Variants in PIGH observed in about 807,000 individuals in gnomAD.
The protein encoded by PIGH is phosphatidylinositol glycan anchor biosynthesis class H, also known as phosphatidylinositol N-acetylglucosaminyltransferase subunit H.
In PIGH, 11 loss-of-function variants were observed where a neutral mutation model predicts 20.1. The ratio of observed to expected loss-of-function variants is 0.55; its 90% CI spans 0.34 to 0.91. The LOEUF is 0.91. Among genes scored for constraint, PIGH ranks in the 40% least tolerant of loss-of-function variants. PIGH has a pLI of 0.02. For missense variants in PIGH, 189 were observed against 233.6 expected (o/e 0.81, Z 1.24); for synonymous variants, 72 against 93.1 (o/e 0.77, Z 1.31).
At chr14:67,594,579 G>A (rs576638006) in intron 1 of PIGH, among the ~76,000 whole-genome samples, 121 of 151,962 alleles carry the variant, frequency 8.0e-4, no homozygotes, top group Middle Eastern at 3.4e-3. Flanking sequence ...CCTGGGAGGC[G>A]GAGGCGGAGG....
At position 67,600,020 on chromosome 14, in the gene PIGH, T is replaced by C. The variant is rs1427486008; in HGVS notation, c.180+4A>G. The C allele has an allele frequency of 2.6e-6, 4 of 1,555,354 alleles. No homozygotes were observed. The highest frequency in any genetic ancestry group is 3.5e-6 in the Non-Finnish European group (4 of 1,150,196). On this transcript the variant is annotated splice_donor_region_variant and intron_variant, in intron 1 of 3. Coordinates refer to ENST00000216452, the MANE Select transcript of PIGH (RefSeq NM_004569.5). The stretch of plus-strand genomic sequence containing the variant: ...AGCGCGGGGAGGGGCCGACTTGCCA[T>C]TACCTCGCAGAGGGTGAAGAGTCCG...
rs765952338 is a variant in PIGH, at chr14:67,598,570, T to C, written c.180+1454A>G. On this transcript the variant is annotated intron_variant, in intron 1 of 3. Coordinates refer to ENST00000216452, the MANE Select transcript of PIGH (RefSeq NM_004569.5). ...TGGCAGTCAGTGGGCATTTAATAAATATCTATTTCCTCCTCCTCACATGAC... is the reference window on the plus strand; with the variant it reads ...TGGCAGTCAGTGGGCATTTAATAAACATCTATTTCCTCCTCCTCACATGAC... 2.6e-5 allele frequency among the ~76,000 whole-genome samples: 4 copies of C among 152,264 alleles called. No homozygotes were observed. In the South Asian group the frequency reaches 6.2e-4, roughly 24 times the overall value.
At chr14:67,590,573 G>A (rs549154434) in intron 3 of PIGH, among the ~76,000 whole-genome samples, 4 of 152,304 alleles carry the variant, frequency 2.6e-5, no homozygotes, top group Admixed American at 1.3e-4. Flanking sequence ...TGGCCAGGCT[G>A]CTCTTGAACT....
At position 67,599,806 on chromosome 14, in the gene PIGH, G is replaced by A. The variant is rs192907472; in HGVS notation, c.180+218C>T. Among the ~76,000 whole-genome samples the A allele has an allele frequency of 3.5e-3, 528 of 152,320 alleles. 5 individuals carry two copies. Among genetic ancestry groups the A allele is most frequent in the African/African-American group, 0.012 (512 of 41,576 alleles). Reference sequence around the variant, plus strand: ...CACGGAGCAGAGCACAGCCACGGAAGGGGAATGTACTATCCAGGAGCACAC... The same window carrying A: ...CACGGAGCAGAGCACAGCCACGGAAAGGGAATGTACTATCCAGGAGCACAC... On this transcript the variant is annotated intron_variant, in intron 1 of 3. Coordinates refer to ENST00000216452, the MANE Select transcript of PIGH (RefSeq NM_004569.5).
chr14:67,589,839 A>C lies in PIGH; in HGVS notation c.*241T>G. 4 of 1,195,682 alleles carry C rather than the reference A, an allele frequency of 3.3e-6. No individual in the cohort carries two copies. The highest frequency in any genetic ancestry group is 3.1e-6 in the Non-Finnish European group (3 of 965,554). 74.1% of individuals were successfully genotyped at this position (1,195,682 alleles called of 1,614,324 possible). On this transcript the variant is annotated 3_prime_UTR_variant, in exon 4 of 4. Coordinates refer to ENST00000216452, the MANE Select transcript of PIGH (RefSeq NM_004569.5). ...ATTACTTTTGACATACTGTGTCAAA[A>C]TTCTTAAGGTCTCCCCTCCTTTGGT...
intron 2 of PIGH, 52 bp from the exon 3 acceptor site, chr14:67,592,770 T>C: frequency 9.3e-7 from 1 of 1,072,282 alleles, no homozygotes; most frequent in Non-Finnish European, 1.4e-6. Context: ...CATTTTGCAT[T>C]CTTTTTTTCT....
rs540638969 is a variant in PIGH at position 67,590,377 on chromosome 14, C to T, written c.475-205G>A. Among the ~76,000 whole-genome samples the T allele has an allele frequency of 5.3e-5, 8 of 151,936 alleles. No individual in the cohort carries two copies. In the East Asian group the frequency reaches 9.7e-4, roughly 18 times the overall value. ...AAGTGATTCTCCTGCTTCAGCCTCCCGAGTAGCTGGGATTACAGGTGCTCG... is the reference window on the plus strand; with the variant it reads ...AAGTGATTCTCCTGCTTCAGCCTCCTGAGTAGCTGGGATTACAGGTGCTCG... On this transcript the variant is annotated intron_variant, in intron 3 of 3. Transcript: ENST00000216452.
At chr14:67,596,323 T>TTGG in intron 1 of PIGH, among the ~76,000 whole-genome samples, 1 of 137,052 alleles carries the variant, frequency 7.3e-6, no homozygotes, top group Non-Finnish European at 1.6e-5. Context: ...TTTTTTTTAG[T>TTGG]AGAGATGGGG....
chr14:67,593,666 G>T, intron 2 of PIGH, 77 bp downstream of exon 2: 1 of 819,650 alleles, frequency 1.2e-6, no homozygotes, highest in Non-Finnish European at 2.1e-6. Flanking sequence ...TACGGTTTTA[G>T]TTTAAATCTG....
At chr14:67,598,027 G>A (rs926363732) in intron 1 of PIGH, among the ~76,000 whole-genome samples, 10 of 152,102 alleles carry the variant, frequency 6.6e-5, no homozygotes, top group African/African-American at 1.2e-4. Flanking sequence ...AAAGCAATCC[G>A]TGCCCTACTA....
At chr14:67,590,268 T>A in intron 3 of PIGH, 96 bp from the exon 4 acceptor site, 1 of 1,025,482 alleles carries the variant, frequency 9.8e-7, no homozygotes, top group East Asian at 2.9e-5. Context: ...TTTTTTTTTT[T>A]TTGAGACAGA....
intron 1 of PIGH, among the ~76,000 whole-genome samples, chr14:67,594,264 G>A (rs61420540): frequency 0.056 from 8,583 of 152,106 alleles, 495 homozygotes; most frequent in African/African-American, 0.15. Flanking sequence ...CAGGAGGATC[G>A]TTTGAGCCCA....
intron 1 of PIGH, among the ~76,000 whole-genome samples, chr14:67,597,396 T>C (rs962929911): frequency 6.6e-6 from 1 of 152,028 alleles, no homozygotes; most frequent in African/African-American, 2.4e-5. Flanking sequence ...GAGGATCGCT[T>C]GAGTCCAGGA....
At position 67,600,178 on chromosome 14, in the gene PIGH, T is replaced by C; in HGVS notation, c.26A>G (p.Asp9Gly). 1.9e-6 allele frequency: 3 copies of C among 1,586,216 alleles called. No individual in the cohort carries two copies. The highest frequency in any genetic ancestry group is 1.1e-5 in the South Asian group (1 of 87,702). ...CAGCGCCAGGCGGCCGCCGCAGATA[T>C]CCGAAAAGCTCCGCTCATCCTCCAT... MEDERSFSDICGGRLALQR... is the reference protein window; with the variant it reads MEDERSFSGICGGRLALQR... The change falls in exon 1 of 4, where the codon GAT (aspartate) becomes GGT (glycine). Residue 9 changes from aspartate to glycine, a missense_variant. By Grantham distance (94) the Asp-to-Gly change is moderately conservative (BLOSUM62 -1). Coordinates refer to ENST00000216452, the MANE Select transcript of PIGH (RefSeq NM_004569.5).
chr14:67,592,278 TA>T (rs751059303), intron 3 of PIGH: 32,820 of 312,962 alleles, frequency 0.1, no homozygotes, highest in South Asian at 0.17. Flanking sequence ...CTACTAAAAA[TA>T]AAAAAAAAAA....
intron 3 of PIGH, chr14:67,592,290 AT>A (rs1213551190): frequency 1.5e-5 from 6 of 410,738 alleles, no homozygotes; most frequent in Non-Finnish European, 2.3e-5. Context: ...AAAAAAAAAA[AT>A]TAGCCAGGCG....
Position 67,589,899 on chromosome 14 carries a change from A to G in PIGH, c.*181T>C, listed in dbSNP as rs2036316667. 6 of 1,266,906 alleles carry G rather than the reference A, an allele frequency of 4.7e-6. No homozygotes were observed. The highest frequency in any genetic ancestry group is 3.8e-5 in the Admixed American group (1 of 26,380). The allele number at this position is 1,266,906 out of a possible 1,614,324, so 78.5% of individuals were successfully genotyped here. ...AAAACCTTACAAGGAAAACACTATA[A>G]TACACGGAAATATACTGAGTTAGAT... On this transcript the variant is annotated 3_prime_UTR_variant, in exon 4 of 4. Coordinates refer to ENST00000216452, the MANE Select transcript of PIGH (RefSeq NM_004569.5).
intron 3 of PIGH, among the ~76,000 whole-genome samples, chr14:67,591,612 G>C (rs916538463): frequency 6.6e-6 from 1 of 152,122 alleles, no homozygotes; most frequent in African/African-American, 2.4e-5. Context: ...GCTCACTGCA[G>C]CCTTGACCTC....
chr14:67,592,303 G>C (rs1363216551), intron 3 of PIGH: 1 of 434,654 alleles, frequency 2.3e-6, no homozygotes, highest in Non-Finnish European at 4.3e-6. Flanking sequence ...AGCCAGGCGA[G>C]ATGGTGCACA....
Sources: gnomAD v4.1 joint callset for allele counts (sites outside exome capture counted in the v4.1 genomes callset) on GRCh38, gnomAD v4.1.1 for gene constraint, MANE v1.5 for transcripts, NCBI Gene and HGNC (gene_info 2026-07-23, HGNC 2026-07-21) for gene names.